The following GRID2 variants were observed in gnomAD, a reference collection of about 807,000 sequenced individuals.
GRID2 encodes glutamate ionotropic receptor delta type subunit 2, also known as glutamate receptor ionotropic, delta-2.
A neutral mutation model predicts 114.8 loss-of-function variants in GRID2; 33 were observed. That is an observed-to-expected ratio of 0.29 (90% confidence interval 0.22 to 0.38). The LOEUF is 0.38. GRID2 is among the 10% of genes least tolerant of loss of function. GRID2 has a pLI of 1.00. For missense variants in GRID2, 1,184 were observed against 1,257.7 expected, an observed-to-expected ratio of 0.94 and a Z score of 0.89; for synonymous variants, 505 against 449.9, an observed-to-expected ratio of 1.12 and a Z score of -1.55.
chr4:93,225,065 G>A (rs1434849013), intron 7 of GRID2, among the ~76,000 whole-genome samples: 1 of 151,994 alleles, frequency 6.6e-6, no homozygotes, highest in African/African-American at 2.4e-5. Flanking sequence ...TTTGGTGCCT[G>A]TCGCAAAATA....
intron 2 of GRID2, among the ~76,000 whole-genome samples, chr4:92,990,698 A>C (rs1358522829): frequency 6.6e-6 from 1 of 152,102 alleles, no homozygotes; most frequent in Non-Finnish European, 1.5e-5. Context: ...TGATAATTTG[A>C]AATGACTGAA....
intron 1 of GRID2, among the ~76,000 whole-genome samples, chr4:92,578,828 T>G (rs573487037): frequency 6.6e-6 from 1 of 152,286 alleles, no homozygotes; most frequent in South Asian, 2.1e-4. Flanking sequence ...TTCAAACTCT[T>G]AATAATGTAG....
At chr4:93,400,482 G>A (rs9631716) in intron 9 of GRID2, among the ~76,000 whole-genome samples, 28,564 of 151,870 alleles carry the variant, frequency 0.19, 4,527 homozygotes, top group African/African-American at 0.43. Flanking sequence ...AACTTCCTGA[G>A]TTATGCAATG....
intron 13 of GRID2, among the ~76,000 whole-genome samples, chr4:93,534,651 C>A (rs1731844497): frequency 1.3e-5 from 2 of 151,876 alleles, no homozygotes; most frequent in African/African-American, 2.4e-5. Context: ...AAAAATTAAA[C>A]AAAAGTGAAT....
At chr4:93,233,796 G>A (rs754499968) in intron 7 of GRID2, among the ~76,000 whole-genome samples, 20 of 152,118 alleles carry the variant, frequency 1.3e-4, no homozygotes, top group Non-Finnish European at 2.2e-4. Context: ...ACCTGGTTAG[G>A]TTGTGGGCCA....
At chr4:92,903,587 A>G (rs939985043) in intron 2 of GRID2, among the ~76,000 whole-genome samples, 17 of 152,000 alleles carry the variant, frequency 1.1e-4, no homozygotes, top group Non-Finnish European at 2.4e-4. Context: ...TTGGCTAGGA[A>G]TAAAATTTAG....
intron 1 of GRID2, among the ~76,000 whole-genome samples, chr4:92,392,250 C>A (rs974565806): frequency 1.3e-5 from 2 of 151,684 alleles, no homozygotes; most frequent in Non-Finnish European, 1.5e-5. Flanking sequence ...ATTCAGTGTG[C>A]ACCCCTTGAG....
At chr4:93,407,697 G>A (rs1439811159) in intron 9 of GRID2, among the ~76,000 whole-genome samples, 1 of 135,332 alleles carries the variant, frequency 7.4e-6, no homozygotes, top group Non-Finnish European at 1.6e-5. Context: ...TTCATGTTTG[G>A]AAGGTCTCCT....
chr4:92,704,420 T>C (rs1734839991), intron 2 of GRID2, among the ~76,000 whole-genome samples: 1 of 152,228 alleles, frequency 6.6e-6, no homozygotes, highest in South Asian at 2.1e-4. Flanking sequence ...TAATCATTTG[T>C]CATTTTGTTT....
chr4:93,201,726 C>G (rs1389298437), intron 4 of GRID2, among the ~76,000 whole-genome samples: 2 of 152,190 alleles, frequency 1.3e-5, no homozygotes, highest in Non-Finnish European at 2.9e-5. Flanking sequence ...TAGTGAGAAA[C>G]AAGCTCGGGC....
At chr4:93,165,821 C>T (rs142999612) in intron 4 of GRID2, among the ~76,000 whole-genome samples, 2,084 of 152,074 alleles carry the variant, frequency 0.014, 38 homozygotes, top group Middle Eastern at 0.085. Context: ...TGATGGACGG[C>T]GCAAAACCAC....
intron 10 of GRID2, among the ~76,000 whole-genome samples, chr4:93,443,114 A>G (rs1383555340): frequency 6.6e-6 from 1 of 151,996 alleles, no homozygotes; most frequent in Non-Finnish European, 1.5e-5. Flanking sequence ...TGGCCCTTTA[A>G]CTGCTCACCA....
intron 1 of GRID2, among the ~76,000 whole-genome samples, chr4:92,417,711 A>G (rs564337299): frequency 6.6e-6 from 1 of 152,272 alleles, no homozygotes; most frequent in Admixed American, 6.5e-5. Flanking sequence ...TAAAATCATA[A>G]TAGTTATTGA....
chr4:93,646,459 T>C (rs1396367148), intron 14 of GRID2, among the ~76,000 whole-genome samples: 1 of 152,162 alleles, frequency 6.6e-6, no homozygotes, highest in Non-Finnish European at 1.5e-5. Flanking sequence ...GGCAGTCATA[T>C]AAAAGGAGAT....
At chr4:93,050,342 C>T (rs555516183) in intron 2 of GRID2, among the ~76,000 whole-genome samples, 3 of 152,092 alleles carry the variant, frequency 2.0e-5, no homozygotes, top group Admixed American at 6.6e-5. Flanking sequence ...CTTCTATCCT[C>T]GTTGCTTTTT....
chr4:93,273,292 G>GTA (rs1751693975), intron 8 of GRID2, among the ~76,000 whole-genome samples: 1 of 152,036 alleles, frequency 6.6e-6, no homozygotes, highest in Non-Finnish European at 1.5e-5. Flanking sequence ...TACTTCTAAG[G>GTA]TATCCCAGAT....
At chr4:92,344,967 G>T (rs1179092883) in intron 1 of GRID2, among the ~76,000 whole-genome samples, 1 of 152,136 alleles carries the variant, frequency 6.6e-6, no homozygotes, top group Admixed American at 6.6e-5. Flanking sequence ...ATTTCTGAGA[G>T]ACTTTAGTCC....
At chr4:93,113,809 C>G (rs1291606908) in intron 4 of GRID2, among the ~76,000 whole-genome samples, 1 of 151,920 alleles carries the variant, frequency 6.6e-6, no homozygotes, top group African/African-American at 2.4e-5. Flanking sequence ...TTGAGTTGAG[C>G]GTTAAAGGAC....
At chr4:92,679,566 C>T (rs1353958895) in intron 2 of GRID2, among the ~76,000 whole-genome samples, 2 of 151,912 alleles carry the variant, frequency 1.3e-5, no homozygotes, top group African/African-American at 2.4e-5. Context: ...ATTTTTAATA[C>T]CTGATTTCTT....
Sources: gnomAD v4.1 joint callset for allele counts (sites outside exome capture counted in the v4.1 genomes callset) on GRCh38, gnomAD v4.1.1 for gene constraint, MANE v1.5 for transcripts, NCBI Gene and HGNC (gene_info 2026-07-23, HGNC 2026-07-21) for gene names.